PCDHA11: variants seen among roughly 807,000 people sequenced by gnomAD.
The protein encoded by PCDHA11 is protocadherin alpha-11.
A neutral mutation model predicts 70.3 loss-of-function variants in PCDHA11; 61 were observed. The ratio of observed to expected loss-of-function variants is 0.87; its 90% CI spans 0.71 to 1.07. The LOEUF is 1.07. Among genes scored for constraint, PCDHA11 ranks in the 50% least tolerant of loss-of-function variants. The pLI is 0.00. For missense variants in PCDHA11, 1,324 were observed against 1,237.5 expected, an observed-to-expected ratio of 1.07 and a Z score of -1.05; for synonymous variants, 633 against 555.1, an observed-to-expected ratio of 1.14 and a Z score of -1.97.
Position 140,910,416 on chromosome 5 carries a change from A to G in PCDHA11, c.2391+38922A>G, listed in dbSNP as rs191093101. Among the ~76,000 whole-genome samples, 67 of 152,280 alleles carry G rather than the reference A, an allele frequency of 4.4e-4. No individual in the cohort carries two copies. In the East Asian group the frequency reaches 0.013, roughly 28 times the overall value. ...CTGGCCCCTGCCACCTCGAGATCCAATTATTCCCATTGCATTTAAGTTTTG... is the reference window on the plus strand; with the variant it reads ...CTGGCCCCTGCCACCTCGAGATCCAGTTATTCCCATTGCATTTAAGTTTTG... On this transcript the variant is annotated intron_variant, in intron 1 of 3. Coordinates refer to ENST00000398640, the MANE Select transcript of PCDHA11 (RefSeq NM_018902.5).
intron 1 of PCDHA11, among the ~76,000 whole-genome samples, chr5:140,976,124 C>G (rs1554237320): frequency 6.6e-6 from 1 of 152,158 alleles, no homozygotes. Flanking sequence ...CAAGTTTAAT[C>G]AAGTTCTGGA....
intron 1 of PCDHA11, among the ~76,000 whole-genome samples, chr5:140,896,352 A>G (rs1045413506): frequency 2.6e-5 from 4 of 152,166 alleles, no homozygotes; most frequent in African/African-American, 4.8e-5. Flanking sequence ...TCCCGCCAGC[A>G]GTGTATAAGC....
rs782085925 is a variant in PCDHA11, at chr5:140,871,444, A to C, written c.2341A>C (p.Lys781Gln). The C allele has an allele frequency of 6.2e-7, 1 of 1,610,088 alleles. No individual in the cohort carries two copies. Among genetic ancestry groups the C allele is most frequent in the Non-Finnish European group, 8.5e-7 (1 of 1,177,906 alleles). The change falls in exon 1 of 4, where the codon AAA (lysine) becomes CAA (glutamine). Residue 781 changes from lysine to glutamine, a missense_variant. Lys to Gln is a moderately conservative substitution (Grantham distance 53, BLOSUM62 1). Coordinates refer to ENST00000398640, the MANE Select transcript of PCDHA11 (RefSeq NM_018902.5). ...CCCCAGTCTTCCTCTAGGTCTGAAT[A>C]AAGAGGAGGAAGGGGAAAGACAGGA... is the stretch of plus-strand genomic sequence containing the variant. ...FSPSLPLGLNKEEEGERQEPG... is the reference protein window; with the variant it reads ...FSPSLPLGLNQEEEGERQEPG...
chr5:140,882,771 T>C (rs148644909), intron 1 of PCDHA11: 19 of 1,614,110 alleles, frequency 1.2e-5, no homozygotes, highest in Non-Finnish European at 1.6e-5. Context: ...AACTCGGCAT[T>C]GACCTACCGA....
chr5:140,997,324 T>C (rs1447294871), intron 3 of PCDHA11, among the ~76,000 whole-genome samples: 1 of 152,202 alleles, frequency 6.6e-6, no homozygotes, highest in Non-Finnish European at 1.5e-5. Context: ...TAGGCAGTTT[T>C]TTCGTTGTAC....
intron 1 of PCDHA11, chr5:140,877,568 A>G (rs782021677): frequency 1.9e-6 from 3 of 1,613,708 alleles, no homozygotes; most frequent in Non-Finnish European, 1.7e-6. Context: ...ATTAACGTGT[A>G]CCTCATCATC....
intron 1 of PCDHA11, among the ~76,000 whole-genome samples, chr5:140,890,615 C>A (rs1266338521): frequency 6.6e-6 from 1 of 152,026 alleles, no homozygotes; most frequent in Non-Finnish European, 1.5e-5. Context: ...AGTGCTTACC[C>A]TAGAAAATTA....
At chr5:140,998,054 A>G (rs562918919) in intron 3 of PCDHA11, among the ~76,000 whole-genome samples, 37 of 152,304 alleles carry the variant, frequency 2.4e-4, no homozygotes, top group African/African-American at 8.9e-4. Flanking sequence ...CAGTGACATC[A>G]TCATCAACAG....
At chr5:140,914,615 A>G (rs573524299) in intron 1 of PCDHA11, among the ~76,000 whole-genome samples, 12 of 151,836 alleles carry the variant, frequency 7.9e-5, no homozygotes, top group African/African-American at 2.9e-4. Context: ...GCCATTTTGT[A>G]ATTTGTTTTC....
chr5:140,901,249 C>T (rs1554189685), intron 1 of PCDHA11, among the ~76,000 whole-genome samples: 1 of 151,994 alleles, frequency 6.6e-6, no homozygotes, highest in Admixed American at 6.6e-5. Flanking sequence ...TCCTTTGGTT[C>T]CCTGTGATTG....
chr5:140,902,488 G>T (rs1357036471), intron 1 of PCDHA11, among the ~76,000 whole-genome samples: 2 of 152,096 alleles, frequency 1.3e-5, no homozygotes, highest in African/African-American at 4.8e-5. Context: ...TGCTCAGTAT[G>T]ATACTAGCTG....
intron 1 of PCDHA11, 53 bp from the exon 2 acceptor site, chr5:140,978,895 TG>T: frequency 6.2e-7 from 1 of 1,612,992 alleles, no homozygotes; most frequent in Non-Finnish European, 8.5e-7. Context: ...GCAGCATTCC[TG>T]GGAGAACATT....
intron 1 of PCDHA11, chr5:140,966,387 C>G: frequency 2.5e-6 from 1 of 405,008 alleles, no homozygotes. Context: ...GGTTCGCTGT[C>G]CGCCACTTCG....
intron 1 of PCDHA11, among the ~76,000 whole-genome samples, chr5:140,893,393 C>T (rs1358613018): frequency 6.6e-6 from 1 of 152,144 alleles, no homozygotes; most frequent in Non-Finnish European, 1.5e-5. Context: ...TGGCTCATGC[C>T]TGTAATCCCA....
At chr5:140,884,483 C>T (rs376374275) in intron 1 of PCDHA11, 3 of 1,613,862 alleles carry the variant, frequency 1.9e-6, no homozygotes, top group East Asian at 4.5e-5. Flanking sequence ...CAAGCCCACT[C>T]TAGTGTGCTC....
chr5:140,882,715 A>G (rs143870647), intron 1 of PCDHA11: 102 of 1,614,124 alleles, frequency 6.3e-5, no homozygotes, highest in African/African-American at 1.7e-4. Context: ...GACCTCCGGA[A>G]ACTCGATTTC....
At chr5:140,985,083 G>A (rs782261438) in intron 3 of PCDHA11, among the ~76,000 whole-genome samples, 5 of 152,158 alleles carry the variant, frequency 3.3e-5, no homozygotes, top group East Asian at 1.9e-4. Context: ...GACTACAGGC[G>A]TGTGCCACCA....
At chr5:140,902,395 G>A (rs782771913) in intron 1 of PCDHA11, among the ~76,000 whole-genome samples, 2 of 151,802 alleles carry the variant, frequency 1.3e-5, no homozygotes, top group Non-Finnish European at 2.9e-5. Context: ...GTACTATGTT[G>A]AATACTATGT....
chr5:140,972,235 G>A (rs1368131761), intron 1 of PCDHA11, among the ~76,000 whole-genome samples: 2 of 151,838 alleles, frequency 1.3e-5, no homozygotes, highest in African/African-American at 4.8e-5. Context: ...GACCTTCTGG[G>A]CTCAAGCAAT....
Sources: gnomAD v4.1 joint callset for allele counts (sites outside exome capture counted in the v4.1 genomes callset) on GRCh38, gnomAD v4.1.1 for gene constraint, MANE v1.5 for transcripts, NCBI Gene and HGNC (gene_info 2026-07-23, HGNC 2026-07-21) for gene names.